Variants in ACBD6 observed in about 807,000 individuals in gnomAD.
ACBD6 encodes the protein acyl-CoA-binding domain-containing protein 6.
In ACBD6, 28 loss-of-function variants were observed where a neutral mutation model predicts 37.2. That is an observed-to-expected ratio of 0.75 (90% CI 0.56 to 1.03). The LOEUF (loss-of-function observed/expected upper bound fraction) is 1.03, where lower values mean the gene tolerates loss of function less well. Among genes scored for constraint, ACBD6 ranks in the 50% least tolerant of loss-of-function variants. ACBD6 has a pLI of 0.00. For synonymous variants in ACBD6, 113 were observed against 126.8 expected (o/e 0.89, Z 0.73); for missense variants, 340 against 337.4 (o/e 1.01, Z -0.06).
intron 6 of ACBD6, among the ~76,000 whole-genome samples, chr1:180,355,503 T>C (rs1652588208): frequency 6.6e-6 from 1 of 152,198 alleles, no homozygotes; most frequent in African/African-American, 2.4e-5. Flanking sequence ...AAATTAGCCA[T>C]GTCAAAACCA....
chr1:180,390,037 T>C (rs967632937), intron 6 of ACBD6, among the ~76,000 whole-genome samples: 3 of 152,148 alleles, frequency 2.0e-5, no homozygotes, highest in East Asian at 1.9e-4. Context: ...CTGGCTTTTG[T>C]TGCCATTGCT....
chr1:180,321,932 G>A (rs575785952), intron 6 of ACBD6, among the ~76,000 whole-genome samples: 4 of 151,996 alleles, frequency 2.6e-5, no homozygotes, highest in African/African-American at 4.8e-5. Flanking sequence ...GTGAAAATGG[G>A]TTTCCTTGTC....
chr1:180,502,545 G>T lies in ACBD6; in HGVS notation c.-279C>A. The T allele has an allele frequency of 2.1e-6, 1 of 487,488 alleles. No individual in the cohort carries two copies. Among genetic ancestry groups the T allele is most frequent in the Non-Finnish European group, 3.8e-6 (1 of 265,040 alleles). The allele number at this position is 487,488 out of a possible 1,614,324, so 30.2% of individuals were successfully genotyped here. On this transcript the variant is annotated 5_prime_UTR_variant, in exon 1 of 8. Transcript: ENST00000367595. ...AACAGCGCGCTCAGGCTCGCCTCAG[G>T]CCCCTCCAACGGAACAGGAGTCGAG...
chr1:180,408,203 C>G (rs746896936), intron 5 of ACBD6, among the ~76,000 whole-genome samples: 4 of 152,174 alleles, frequency 2.6e-5, no homozygotes, highest in African/African-American at 9.7e-5. Context: ...GACTGATACA[C>G]ACAAGTACAA....
At chr1:180,442,744 G>A (rs879345482) in intron 3 of ACBD6, among the ~76,000 whole-genome samples, 1 of 152,068 alleles carries the variant, frequency 6.6e-6, no homozygotes, top group Non-Finnish European at 1.5e-5. Flanking sequence ...TGTCTAATCT[G>A]CTGTTAATCA....
chr1:180,357,175 C>T (rs1447086726), intron 6 of ACBD6, among the ~76,000 whole-genome samples: 1 of 152,136 alleles, frequency 6.6e-6, no homozygotes, highest in African/African-American at 2.4e-5. Flanking sequence ...TATCTTTTTA[C>T]ACAACACTTT....
intron 5 of ACBD6, among the ~76,000 whole-genome samples, chr1:180,409,290 T>A (rs190760909): frequency 1.5e-3 from 226 of 152,260 alleles, no homozygotes; most frequent in African/African-American, 5.3e-3. Context: ...AAATTTTAAC[T>A]CACAAGCACA....
chr1:180,344,083 A>G (rs1652084018), intron 6 of ACBD6, among the ~76,000 whole-genome samples: 1 of 152,210 alleles, frequency 6.6e-6, no homozygotes, highest in Non-Finnish European at 1.5e-5. Context: ...TGAGAAAGCA[A>G]TGAAAGGCCT....
intron 7 of ACBD6, among the ~76,000 whole-genome samples, chr1:180,300,658 A>T (rs1650095387): frequency 6.6e-6 from 1 of 152,086 alleles, no homozygotes; most frequent in Non-Finnish European, 1.5e-5. Context: ...TCTTTCCATG[A>T]TGATTAATAT....
At chr1:180,344,288 A>G (rs1476512730) in intron 6 of ACBD6, among the ~76,000 whole-genome samples, 1 of 152,168 alleles carries the variant, frequency 6.6e-6, no homozygotes, top group Non-Finnish European at 1.5e-5. Flanking sequence ...GACATTTTAG[A>G]CCACAGAGAA....
At chr1:180,495,784 C>T (rs1263141247) in intron 1 of ACBD6, among the ~76,000 whole-genome samples, 1 of 152,066 alleles carries the variant, frequency 6.6e-6, no homozygotes, top group African/African-American at 2.4e-5. Flanking sequence ...CTGTGATAAA[C>T]GGTTGCACTT....
At chr1:180,440,608 TCTCCCCC>T (rs1649243240) in intron 3 of ACBD6, among the ~76,000 whole-genome samples, 1 of 147,302 alleles carries the variant, frequency 6.8e-6, no homozygotes, top group African/African-American at 2.5e-5. Flanking sequence ...CCCATTCCCC[TCTCCCCC>T]AAACCTTTAG....
At chr1:180,303,933 G>T (rs1650242260) in intron 7 of ACBD6, among the ~76,000 whole-genome samples, 1 of 150,872 alleles carries the variant, frequency 6.6e-6, no homozygotes. Flanking sequence ...TCATCCCTGG[G>T]ATGCAAGGCT....
chr1:180,487,450 C>T (rs2102080955), intron 3 of ACBD6, among the ~76,000 whole-genome samples: 1 of 152,322 alleles, frequency 6.6e-6, no homozygotes, highest in African/African-American at 2.4e-5. Flanking sequence ...GAACACAAAT[C>T]ATCCTTTTGT....
chr1:180,334,569 A>C (rs1325445941), intron 6 of ACBD6, among the ~76,000 whole-genome samples: 1 of 152,190 alleles, frequency 6.6e-6, no homozygotes, highest in South Asian at 2.1e-4. Context: ...AAAAAAACAG[A>C]GCAGAAAAAC....
At chr1:180,283,961 T>C (rs918738345), downstream of ACBD6, among the ~76,000 whole-genome samples, 2 of 152,114 alleles carry the variant, frequency 1.3e-5, no homozygotes, top group Non-Finnish European at 2.9e-5. Flanking sequence ...GCATTTCGGA[T>C]AAGGACTCGT....
chr1:180,395,204 T>C (rs1654213851), intron 6 of ACBD6, among the ~76,000 whole-genome samples: 1 of 152,160 alleles, frequency 6.6e-6, no homozygotes, highest in Non-Finnish European at 1.5e-5. Flanking sequence ...GTGCCAATTA[T>C]GGTGAGTAGT....
At chr1:180,301,213 T>C (rs1041584650) in intron 7 of ACBD6, among the ~76,000 whole-genome samples, 6 of 152,070 alleles carry the variant, frequency 3.9e-5, no homozygotes, top group Non-Finnish European at 5.9e-5. Flanking sequence ...TTTTAAAGAG[T>C]ACAAAATGCA....
intron 7 of ACBD6, among the ~76,000 whole-genome samples, chr1:180,301,568 G>A (rs757837084): frequency 1.3e-5 from 2 of 152,028 alleles, no homozygotes; most frequent in African/African-American, 4.8e-5. Flanking sequence ...CTACTGTGGT[G>A]GCAGACCTCA....
Sources: gnomAD v4.1 joint callset for allele counts (sites outside exome capture counted in the v4.1 genomes callset) on GRCh38, gnomAD v4.1.1 for gene constraint, MANE v1.5 for transcripts, NCBI Gene and HGNC (gene_info 2026-07-23, HGNC 2026-07-21) for gene names.